The following TRABD variants were observed in gnomAD, a reference collection of about 807,000 sequenced individuals.
The protein encoded by TRABD is TraB domain containing.
Under a neutral mutation model 39.6 loss-of-function variants are expected in TRABD, and 23 were observed. The ratio of observed to expected loss-of-function variants is 0.58; its 90% CI spans 0.42 to 0.82. TRABD has a LOEUF of 0.82. Ranked by LOEUF, TRABD falls within the 40% of genes least tolerant of loss-of-function variation. TRABD has a pLI of 0.00. For synonymous variants in TRABD, 243 were observed against 232.1 expected, an observed-to-expected ratio of 1.05 and a Z score of -0.43; for missense variants, 487 against 544.9, an observed-to-expected ratio of 0.89 and a Z score of 1.06.
Position 50,198,006 on chromosome 22 carries a change from C to A in TRABD, c.844+11C>A. On this transcript the variant is annotated intron_variant, in intron 8 of 9. Transcript: ENST00000380909. The surrounding 1 kb of genome is among the most constrained non-coding windows in gnomAD (Gnocchi z 7.9). The stretch of plus-strand genomic sequence containing the variant: ...CTCGGGCCTCTGACGGTGACGGCCG[C>A]CCGCAGGCGTGGGACCCCCTGTGAG... 6.2e-7 allele frequency: 1 copy of A among 1,610,766 alleles called. No homozygotes were observed. The highest frequency in any genetic ancestry group is 8.5e-7 in the Non-Finnish European group (1 of 1,178,614).
At position 50,198,245 on chromosome 22, in the gene TRABD, C is replaced by A; in HGVS notation, c.956+59C>A. The A allele has an allele frequency of 9.1e-6, 14 of 1,543,098 alleles. No homozygotes were observed. The highest frequency in any genetic ancestry group is 1.2e-5 in the Non-Finnish European group (14 of 1,134,784). ...CACAAGCCCCCAGGTGGAGGCTGAG[C>A]GCCCTGGAGGCCAACCACATGCGGC... On this transcript the variant is annotated intron_variant, in intron 9 of 9. Transcript: ENST00000380909. This position sits in a 1 kb window ranked among gnomAD's most constrained non-coding sequence, Gnocchi z 7.9.
In TRABD at chr22:50,193,064, G is replaced by T; in HGVS notation, c.4G>T (p.Asp2Tyr). ...TGCAGGAAGCCGCCGCCCAGCCATG[G>T]ACGGGGAGGAGCAGCAGCCACCGCA... M[D>Y]GEEQQPPHEA... is the part of the protein sequence containing the mutation. The change falls in exon 2 of 10, where the codon GAC (aspartate) becomes TAC (tyrosine). Residue 2 changes from aspartate to tyrosine, a missense_variant. This residue lies in a region of TRABD where 358 missense variants were observed against 414.7 expected (regional missense o/e 0.86). Coordinates refer to ENST00000380909, the MANE Select transcript of TRABD (RefSeq NM_001320485.2). 6.5e-7 allele frequency: 1 copy of T among 1,545,858 alleles called. No individual in the cohort carries two copies. Among genetic ancestry groups the T allele is most frequent in the Non-Finnish European group, 8.7e-7 (1 of 1,147,128 alleles).
intron 1 of TRABD, 96 bp from the exon 2 acceptor site, chr22:50,192,931 A>T (rs1015783049): frequency 8.4e-7 from 1 of 1,195,814 alleles, no homozygotes; most frequent in African/African-American, 1.5e-5. Flanking sequence ...AGGCCCACCC[A>T]ACAGATGGTT....
At position 50,198,186 on chromosome 22, in the gene TRABD, C is replaced by A; in HGVS notation, c.956C>A (p.Thr319Asn). 1 of 1,604,172 alleles carries A rather than the reference C, an allele frequency of 6.2e-7. No homozygotes were observed. The highest frequency in any genetic ancestry group is 1.1e-5 in the South Asian group (1 of 89,892). ...STDLNIQEIMTVPPPSVSGRV... is the reference protein window; with the variant it reads ...STDLNIQEIMNVPPPSVSGRV... ...GACCTCAACATCCAGGAGATCATGACGTGAGTGCCCGCCCCTCCCTGCAAG... is the reference window on the plus strand; with the variant it reads ...GACCTCAACATCCAGGAGATCATGAAGTGAGTGCCCGCCCCTCCCTGCAAG... The change falls in exon 9 of 10, where the codon ACC becomes AAC. Residue 319 changes from threonine (T) to asparagine (N), a missense_variant and splice_region_variant. Transcript: ENST00000380909. This position sits in a 1 kb window ranked among gnomAD's most constrained non-coding sequence, Gnocchi z 7.9.
intron 1 of TRABD, chr22:50,191,943 G>A (rs886218152): frequency 6.6e-6 from 1 of 152,156 alleles, no homozygotes; most frequent in African/African-American, 2.4e-5. Context: ...GGTAGAGATG[G>A]GGTTTCACCA....
chr22:50,186,988 C>T (rs540473047), intron 1 of TRABD, among the ~76,000 whole-genome samples: 1 of 152,244 alleles, frequency 6.6e-6, no homozygotes, highest in Non-Finnish European at 1.5e-5. Flanking sequence ...AGATGGAAGC[C>T]TCCTAGCTTT....
rs1353221812 is a variant in TRABD, at chr22:50,198,372, A to T, written c.984A>T (p.Arg328Ser). ...MTVPPPSVSG[R>S]VSRLAVKAAF... ...TGCCCCCGCCGTCCGTCTCCGGCAG[A>T]GTGTCTCGGTTGGCCGTGAAGGCCG... is the stretch of plus-strand genomic sequence containing the variant. Residue 328 changes from arginine (R) to serine (S), a missense_variant, in exon 10 of 10, where the codon AGA becomes AGT. Coordinates refer to ENST00000380909, the MANE Select transcript of TRABD (RefSeq NM_001320485.2). This position sits in a 1 kb window ranked among gnomAD's most constrained non-coding sequence, Gnocchi z 7.9. 2 of 1,586,582 alleles carry T rather than the reference A, an allele frequency of 1.3e-6. No homozygotes were observed. Among genetic ancestry groups the T allele is most frequent in the Non-Finnish European group, 1.7e-6 (2 of 1,171,582 alleles).
intron 1 of TRABD, among the ~76,000 whole-genome samples, chr22:50,187,290 C>G (rs1478073215): frequency 6.6e-6 from 1 of 152,222 alleles, no homozygotes; most frequent in Non-Finnish European, 1.5e-5. Flanking sequence ...GGCTCTGGCT[C>G]AGGTGTGTTT....
At chr22:50,191,503 T>C (rs1236644534) in intron 1 of TRABD, among the ~76,000 whole-genome samples, 3 of 152,196 alleles carry the variant, frequency 2.0e-5, no homozygotes, top group South Asian at 2.1e-4. Flanking sequence ...TAGCGTCTTA[T>C]TGCTCATTGT....
intron 1 of TRABD, among the ~76,000 whole-genome samples, chr22:50,190,294 G>A (rs1250794816): frequency 2.6e-5 from 4 of 152,306 alleles, no homozygotes; most frequent in East Asian, 1.9e-4. Context: ...CTTGGCAGCC[G>A]GCCCAGGAAA....
chr22:50,192,408 G>A (rs1177200118), intron 1 of TRABD: 2 of 152,254 alleles, frequency 1.3e-5, no homozygotes, highest in East Asian at 3.9e-4. Context: ...GATGCCTCGG[G>A]GCAGCCCCCT....
At chr22:50,195,746 G>A (rs780505214) in intron 5 of TRABD, among the ~76,000 whole-genome samples, 6 of 152,274 alleles carry the variant, frequency 3.9e-5, no homozygotes, top group Non-Finnish European at 7.3e-5. Flanking sequence ...ATACAGGCAT[G>A]AGCCACCGCG....
At position 50,198,026 on chromosome 22, in the gene TRABD, T is replaced by C. The variant is rs765444944; in HGVS notation, c.844+31T>C. 1 of 1,610,754 alleles carries C rather than the reference T, an allele frequency of 6.2e-7. No individual in the cohort carries two copies. Among genetic ancestry groups the C allele is most frequent in the Non-Finnish European group, 8.5e-7 (1 of 1,178,546 alleles). Reference sequence around the variant, plus strand: ...GGCCGCCCGCAGGCGTGGGACCCCCTGTGAGGCTGAGGCCCGAGCAGGTAC... The same window carrying C: ...GGCCGCCCGCAGGCGTGGGACCCCCCGTGAGGCTGAGGCCCGAGCAGGTAC... On this transcript the variant is annotated intron_variant, in intron 8 of 9. Transcript: ENST00000380909. This position sits in a 1 kb window ranked among gnomAD's most constrained non-coding sequence, Gnocchi z 7.9.
intron 1 of TRABD, among the ~76,000 whole-genome samples, chr22:50,187,111 C>T (rs2063778942): frequency 6.6e-6 from 1 of 152,102 alleles, no homozygotes; most frequent in South Asian, 2.1e-4. Context: ...TGGCCAGCCT[C>T]GCCGGAGGCC....
intron 1 of TRABD, among the ~76,000 whole-genome samples, chr22:50,190,988 A>G (rs1298220361): frequency 6.6e-6 from 1 of 152,176 alleles, no homozygotes; most frequent in Non-Finnish European, 1.5e-5. Flanking sequence ...ACCCCCTGCC[A>G]AGGCTGTGAG....
Position 50,198,374 on chromosome 22 carries a change from T to G in TRABD, c.986T>G (p.Val329Gly), listed in dbSNP as rs1473888710. 3.2e-6 allele frequency: 5 copies of G among 1,585,980 alleles called. No homozygotes were observed. Among genetic ancestry groups the G allele is most frequent in the Non-Finnish European group, 4.3e-6 (5 of 1,171,688 alleles). The change falls in exon 10 of 10, where the codon GTG (valine) becomes GGG (glycine). Residue 329 changes from valine (V) to glycine (G), a missense_variant. Val to Gly is a moderately radical substitution (Grantham distance 109). This residue lies in a region of TRABD where 123 missense variants were observed against 108.3 expected (regional missense o/e 1.14). Coordinates refer to ENST00000380909, the MANE Select transcript of TRABD (RefSeq NM_001320485.2). This position sits in a 1 kb window ranked among gnomAD's most constrained non-coding sequence, Gnocchi z 7.9. ...CCCCCGCCGTCCGTCTCCGGCAGAG[T>G]GTCTCGGTTGGCCGTGAAGGCCGCC... Reference protein sequence around the residue: ...TVPPPSVSGRVSRLAVKAAFF... With the variant: ...TVPPPSVSGRGSRLAVKAAFF...
Position 50,193,586 on chromosome 22 carries a change from A to T in TRABD, c.44A>T (p.Glu15Val), listed in dbSNP as rs1194545710. Residue 15 changes from glutamate to valine, a missense_variant, in exon 3 of 10, where the codon GAA becomes GTA. Glu to Val is a moderately radical substitution (Grantham distance 121). Transcript: ENST00000380909. ...CCTTTCCACCTGCAGGCCAACGTGG[A>T]ACCTGTTGTGCCGTCAGAGGCTTCA... ...EQQPPHEANV[E>V]PVVPSEASEP... The T allele has an allele frequency of 1.2e-6, 2 of 1,613,672 alleles. No homozygotes were observed.
At position 50,194,885 on chromosome 22, in the gene TRABD, C is replaced by A. The variant is rs745902307; in HGVS notation, c.280-15C>A. 50 of 1,610,774 alleles carry A rather than the reference C, an allele frequency of 3.1e-5. No individual in the cohort carries two copies. Among genetic ancestry groups the A allele is most frequent in the Non-Finnish European group, 4.2e-5 (49 of 1,179,224 alleles). ...AGCGGCTGTGTTCTCGAGGTGTGAC[C>A]TGTGGCTGTTGCAGACCATCCGGGA... is the stretch of plus-strand genomic sequence containing the variant. On this transcript the variant is annotated splice_polypyrimidine_tract_variant and intron_variant, in intron 4 of 9. Transcript: ENST00000380909.
intron 1 of TRABD, among the ~76,000 whole-genome samples, chr22:50,190,204 C>T (rs534776935): frequency 2.5e-4 from 38 of 152,294 alleles, no homozygotes; most frequent in African/African-American, 4.8e-4. Context: ...GCGGGCAGCA[C>T]GCCTCTGCTG....
Sources: allele counts gnomAD v4.1 joint callset (sites outside exome capture counted in the v4.1 genomes callset), GRCh38; gene constraint gnomAD v4.1.1; regional missense constraint gnomAD v4.1.1; non-coding constraint Gnocchi (gnomAD v3.1); transcripts MANE v1.5; gene names NCBI Gene and HGNC (gene_info 2026-07-23, HGNC 2026-07-21).